Variants in BLTP3A observed in about 807,000 individuals in gnomAD.
The protein encoded by BLTP3A is bridge-like lipid transfer protein family member 3A.
the BLTP3A span, among the ~76,000 whole-genome samples, chr6:34,846,943 A>G: frequency 1.3e-5 from 2 of 152,150 alleles, no homozygotes; most frequent in African/African-American, 2.4e-5. Flanking sequence ...TGTTCCTTCC[A>G]TACAGTTTTT....
the BLTP3A span, among the ~76,000 whole-genome samples, chr6:34,807,300 CT>C: frequency 1.3e-5 from 2 of 149,478 alleles, no homozygotes; most frequent in South Asian, 4.2e-4. Context: ...ACCGTGGGAG[CT>C]GAATGGTCAA....
the BLTP3A span, among the ~76,000 whole-genome samples, chr6:34,808,362 A>G: frequency 6.6e-6 from 1 of 150,766 alleles, no homozygotes; most frequent in Admixed American, 6.6e-5. Flanking sequence ...AAAAAAAAAA[A>G]AAAAAAAAGA....
At chr6:34,860,609 A>G in the BLTP3A span, among the ~76,000 whole-genome samples, 1 of 152,192 alleles carries the variant, frequency 6.6e-6, no homozygotes, top group Non-Finnish European at 1.5e-5. Context: ...ACACAGTCCT[A>G]AGTACTTATA....
At chr6:34,834,092 A>T in the BLTP3A span, 1 of 1,071,316 alleles carries the variant, frequency 9.3e-7, no homozygotes, top group Non-Finnish European at 1.3e-6. Context: ...ACAGAGCAAG[A>T]ACCTGTCTCA....
chr6:34,856,359 T>G, the BLTP3A span: 1 of 1,614,200 alleles, frequency 6.2e-7, no homozygotes, highest in Non-Finnish European at 8.5e-7. Context: ...GAGACGGGTC[T>G]GAAACCACCC....
the BLTP3A span, among the ~76,000 whole-genome samples, chr6:34,802,247 C>G: frequency 3.4e-4 from 52 of 151,908 alleles, no homozygotes; most frequent in Admixed American, 3.4e-3. Flanking sequence ...CTCTTGTTGC[C>G]ACGGCTGGAG....
the BLTP3A span, chr6:34,855,732 C>G: frequency 3.2e-5 from 51 of 1,612,270 alleles, no homozygotes; most frequent in South Asian, 1.9e-4. Context: ...GGGGCCAATT[C>G]TCGCATAGCC....
the BLTP3A span, among the ~76,000 whole-genome samples, chr6:34,832,097 G>C: frequency 6.7e-6 from 1 of 150,266 alleles, no homozygotes; most frequent in African/African-American, 2.5e-5. Flanking sequence ...ACAGGCATGA[G>C]CCACTGCACC....
the BLTP3A span, chr6:34,857,846 A>G: frequency 9.3e-6 from 15 of 1,614,040 alleles, no homozygotes; most frequent in Non-Finnish European, 1.1e-5. Context: ...GTTCAAAGCT[A>G]TCTACAAGCT....
At chr6:34,849,235 G>C in the BLTP3A span, among the ~76,000 whole-genome samples, 2 of 151,980 alleles carry the variant, frequency 1.3e-5, no homozygotes, top group Non-Finnish European at 2.9e-5. Context: ...CTGGCATCAA[G>C]TGATCCACCT....
At chr6:34,804,683 T>C in the BLTP3A span, among the ~76,000 whole-genome samples, 5 of 152,304 alleles carry the variant, frequency 3.3e-5, no homozygotes, top group South Asian at 8.3e-4. Flanking sequence ...TTTTGTACTA[T>C]ACCAAGACAT....
chr6:34,834,803 C>T, the BLTP3A span: 1 of 1,614,184 alleles, frequency 6.2e-7, no homozygotes, highest in Non-Finnish European at 8.5e-7. Flanking sequence ...GACCCAGTCA[C>T]CACTCCATTG....
chr6:34,824,684 G>GT, the BLTP3A span, among the ~76,000 whole-genome samples: 1 of 146,788 alleles, frequency 6.8e-6, no homozygotes, highest in African/African-American at 2.5e-5. Flanking sequence ...CTTTTTTTTG[G>GT]TTTTGAGACA....
the BLTP3A span, among the ~76,000 whole-genome samples, chr6:34,819,307 C>T: frequency 8.3e-6 from 1 of 120,510 alleles, no homozygotes; most frequent in Non-Finnish European, 1.7e-5. Flanking sequence ...CTCCCCCCTC[C>T]CCCCACCCCA....
the BLTP3A span, among the ~76,000 whole-genome samples, chr6:34,799,027 C>T: frequency 6.6e-6 from 1 of 152,082 alleles, no homozygotes; most frequent in Non-Finnish European, 1.5e-5. Flanking sequence ...CAGCAACCCC[C>T]ACCTCCTGGG....
chr6:34,864,339 C>T, the BLTP3A span: 3 of 916,788 alleles, frequency 3.3e-6, no homozygotes, highest in Non-Finnish European at 4.7e-6. Flanking sequence ...AAAAGAGAGA[C>T]AGAGAAATTT....
At chr6:34,844,370 G>A in the BLTP3A span, among the ~76,000 whole-genome samples, 2 of 152,134 alleles carry the variant, frequency 1.3e-5, no homozygotes, top group South Asian at 2.1e-4. Context: ...TGCCTCTGGG[G>A]TTCAAGCAAT....
the BLTP3A span, chr6:34,876,518 T>C: frequency 6.6e-6 from 1 of 152,182 alleles, no homozygotes; most frequent in Non-Finnish European, 1.5e-5. Flanking sequence ...GGCTTTTTTT[T>C]CTCTCAATAT....
the BLTP3A span, chr6:34,792,214 C>T: frequency 1.3e-6 from 2 of 1,530,182 alleles, no homozygotes; most frequent in Non-Finnish European, 1.8e-6. Context: ...CCACAGCTGC[C>T]GGCCCACCCG....
Sources: gnomAD v4.1 joint callset for allele counts (sites outside exome capture counted in the v4.1 genomes callset) on GRCh38, gnomAD v4.1.1 for gene constraint, MANE v1.5 for transcripts, NCBI Gene and HGNC (gene_info 2026-07-23, HGNC 2026-07-21) for gene names.